GOLGA4: variants seen among roughly 807,000 people sequenced by gnomAD.
GOLGA4 encodes golgin subfamily A member 4.
Under a neutral mutation model 265.9 loss-of-function variants are expected in GOLGA4, and 169 were observed. The ratio of observed to expected loss-of-function variants is 0.64; its 90% CI spans 0.56 to 0.72. The LOEUF is 0.72. Among genes scored for constraint, GOLGA4 ranks in the 30% least tolerant of loss-of-function variants. The probability of loss-of-function intolerance (pLI) is 0.00; values close to 1 mark genes in which losing one functional copy is unlikely to be tolerated. For missense variants in GOLGA4, 2,482 were observed against 2,483.4 expected, an observed-to-expected ratio of 1.00 and a Z score of 0.01; for synonymous variants, 923 against 855.8, an observed-to-expected ratio of 1.08 and a Z score of -1.37.
intron 2 of GOLGA4, among the ~76,000 whole-genome samples, chr3:37,272,093 TA>T (rs1239155124): frequency 6.6e-6 from 1 of 152,222 alleles, no homozygotes; most frequent in Non-Finnish European, 1.5e-5. Flanking sequence ...GTGAGTTGAA[TA>T]ATTATTTATT....
chr3:37,268,374 A>C (rs1206119128), intron 2 of GOLGA4, among the ~76,000 whole-genome samples: 1 of 152,010 alleles, frequency 6.6e-6, no homozygotes, highest in Non-Finnish European at 1.5e-5. Context: ...ATGAGCCACT[A>C]TGTCTGGCCC....
At chr3:37,338,348 T>G (rs1220339148) in intron 19 of GOLGA4, among the ~76,000 whole-genome samples, 1 of 152,222 alleles carries the variant, frequency 6.6e-6, no homozygotes. Context: ...AACTGAGTGA[T>G]GGATGGGTAT....
chr3:37,360,029 C>T (rs2097100392), intron 22 of GOLGA4, among the ~76,000 whole-genome samples: 1 of 152,126 alleles, frequency 6.6e-6, no homozygotes. Context: ...GATCTTCAGC[C>T]TCCAGACTAC....
intron 22 of GOLGA4, among the ~76,000 whole-genome samples, chr3:37,357,588 C>G (rs760587024): frequency 5.3e-5 from 8 of 152,106 alleles, no homozygotes; most frequent in Non-Finnish European, 1.2e-4. Flanking sequence ...CAACTTTTGT[C>G]AATTTAAGGA....
chr3:37,271,479 CAT>C (rs942655806), intron 2 of GOLGA4, among the ~76,000 whole-genome samples: 4 of 152,114 alleles, frequency 2.6e-5, no homozygotes, highest in African/African-American at 9.7e-5. Context: ...AAAGTTGAAA[CAT>C]ATTACAAAAG....
At chr3:37,320,786 G>T (rs939960592) in intron 12 of GOLGA4, among the ~76,000 whole-genome samples, 2 of 151,908 alleles carry the variant, frequency 1.3e-5, no homozygotes, top group Non-Finnish European at 2.9e-5. Context: ...CACATGCGTG[G>T]GTACCTGTGC....
At chr3:37,351,565 A>C (rs547329476) in intron 21 of GOLGA4, among the ~76,000 whole-genome samples, 1 of 152,294 alleles carries the variant, frequency 6.6e-6, no homozygotes. Context: ...GCCTTATAAA[A>C]TATATTCCTT....
intron 12 of GOLGA4, chr3:37,319,460 T>C: frequency 1.1e-5 from 2 of 189,916 alleles, no homozygotes; most frequent in Non-Finnish European, 1.1e-5. Flanking sequence ...AGTGGTGAGA[T>C]CTTGGCTCGC....
At chr3:37,258,141 A>G (rs1328666355) in intron 2 of GOLGA4, among the ~76,000 whole-genome samples, 1 of 142,072 alleles carries the variant, frequency 7.0e-6, no homozygotes, top group African/African-American at 2.6e-5. Flanking sequence ...CTCTGTATAT[A>G]TATATGTTCT....
In GOLGA4 at chr3:37,324,999, G is replaced by A. The variant is rs370390489; in HGVS notation, c.3113G>A (p.Arg1038Gln). 66 of 1,612,612 alleles carry A rather than the reference G, an allele frequency of 4.1e-5. No homozygotes were observed. The highest frequency in any genetic ancestry group is 8.3e-5 in the Admixed American group (5 of 59,912). ...GAAAGTCTTACTGAGGTTCATCGAC[G>A]AGAACTCAATGATGTCATATCAATC... ...QIESLTEVHR[R>Q]ELNDVISIWE... is the part of the protein sequence containing the mutation. The change falls in exon 14 of 24, where the codon CGA becomes CAA. Residue 1038 changes from arginine (R) to glutamine (Q), a missense_variant. By Grantham distance (43) the Arg-to-Gln change is conservative. Coordinates refer to ENST00000361924, the MANE Select transcript of GOLGA4 (RefSeq NM_002078.5).
At chr3:37,348,449 A>G (rs541148303) in intron 21 of GOLGA4, among the ~76,000 whole-genome samples, 6 of 152,236 alleles carry the variant, frequency 3.9e-5, no homozygotes, top group African/African-American at 1.4e-4. Context: ...AAGGGTAGCT[A>G]AAACTAATTT....
intron 2 of GOLGA4, among the ~76,000 whole-genome samples, chr3:37,265,433 A>G (rs1486002390): frequency 6.6e-6 from 1 of 152,188 alleles, no homozygotes; most frequent in Non-Finnish European, 1.5e-5. Context: ...AAAGTTTTTT[A>G]TGTTTTATCT....
intron 1 of GOLGA4, among the ~76,000 whole-genome samples, chr3:37,248,194 T>C (rs574134662): frequency 6.6e-6 from 1 of 152,330 alleles, no homozygotes; most frequent in African/African-American, 2.4e-5. Flanking sequence ...CAGGCAGTCT[T>C]GAACTCCTGG....
At chr3:37,308,628 T>TATATA (rs199736929) in intron 10 of GOLGA4, among the ~76,000 whole-genome samples, 2 of 150,148 alleles carry the variant, frequency 1.3e-5, no homozygotes, top group African/African-American at 2.4e-5. Context: ...ATATATATAT[T>TATATA]TTTTTGAGAC....
At chr3:37,322,393 G>GT (rs1220534449) in intron 13 of GOLGA4, among the ~76,000 whole-genome samples, 1 of 152,058 alleles carries the variant, frequency 6.6e-6, no homozygotes, top group East Asian at 1.9e-4. Flanking sequence ...CAGAGTGTAC[G>GT]TTTTTTTAAA....
chr3:37,263,744 A>G (rs556905283), intron 2 of GOLGA4, among the ~76,000 whole-genome samples: 1 of 152,330 alleles, frequency 6.6e-6, no homozygotes, highest in South Asian at 2.1e-4. Context: ...AAAGCCTTCG[A>G]CGCATATCTG....
rs1212854502 is a variant in GOLGA4, at chr3:37,366,187, C to G, written c.*141C>G. On this transcript the variant is annotated 3_prime_UTR_variant, in exon 24 of 24. Transcript: ENST00000361924. ...AGAATGAAGTTGTCATTCAGGGCCC[C>G]TCATGTAGCCAAAAGACCAAGAAAA... 1.8e-6 allele frequency: 2 copies of G among 1,097,128 alleles called. No individual in the cohort carries two copies. The highest frequency in any genetic ancestry group is 3.2e-5 in the African/African-American group (2 of 62,758). The allele number at this position is 1,097,128 out of a possible 1,614,324, so 68.0% of individuals were successfully genotyped here. A position where few individuals can be genotyped will look rare whatever the true frequency, so the allele number is the denominator to read the frequency against.
chr3:37,283,185 A>G (rs1262531244), intron 3 of GOLGA4, among the ~76,000 whole-genome samples: 3 of 152,232 alleles, frequency 2.0e-5, no homozygotes, highest in Non-Finnish European at 4.4e-5. Flanking sequence ...AAAACAACCC[A>G]AATGAAATAT....
At chr3:37,299,397 A>G (rs1553611911) in intron 9 of GOLGA4, 26 bp downstream of exon 9, 2 of 1,449,974 alleles carry the variant, frequency 1.4e-6, no homozygotes, top group African/African-American at 1.4e-5. Flanking sequence ...CTATGATACT[A>G]AAATTTGTCA....
Sources: allele counts gnomAD v4.1 joint callset (sites outside exome capture counted in the v4.1 genomes callset), GRCh38; gene constraint gnomAD v4.1.1; transcripts MANE v1.5; gene names NCBI Gene and HGNC (gene_info 2026-07-23, HGNC 2026-07-21).